The following CSMD1 variants were observed in gnomAD, a reference collection of about 807,000 sequenced individuals.
CSMD1 encodes CUB and Sushi multiple domains 1.
In CSMD1, 213 loss-of-function variants were observed where a neutral mutation model predicts 417.5. The ratio of observed to expected loss-of-function variants is 0.51; its 90% CI spans 0.46 to 0.57. The LOEUF is 0.57. Ranked by LOEUF, CSMD1 falls within the 20% of genes least tolerant of loss-of-function variation. CSMD1 has a pLI of 0.00. For synonymous variants in CSMD1, 2,862 were observed against 1,736.8 expected (o/e 1.65, Z -16.11); for missense variants, 6,923 against 4,529.7 (o/e 1.53, Z -15.17).
intron 2 of CSMD1, among the ~76,000 whole-genome samples, chr8:4,443,370 C>G (rs1008891702): frequency 6.6e-6 from 1 of 152,162 alleles, no homozygotes; most frequent in African/African-American, 2.4e-5. Flanking sequence ...GAAACAACGG[C>G]TTTGATAACA....
At chr8:4,808,107 T>C (rs17071450) in intron 1 of CSMD1, among the ~76,000 whole-genome samples, 2 of 152,134 alleles carry the variant, frequency 1.3e-5, no homozygotes, top group African/African-American at 2.4e-5. Flanking sequence ...CTTGCAATTA[T>C]GTTTCCTGGG....
At chr8:3,222,637 G>C (rs754570254) in intron 28 of CSMD1, among the ~76,000 whole-genome samples, 1 of 152,050 alleles carries the variant, frequency 6.6e-6, no homozygotes, top group South Asian at 2.1e-4. Flanking sequence ...ATAATATCTT[G>C]AAACCAGAGG....
chr8:4,260,436 C>A (rs556611946), intron 3 of CSMD1, among the ~76,000 whole-genome samples: 1 of 152,080 alleles, frequency 6.6e-6, no homozygotes, highest in Non-Finnish European at 1.5e-5. Flanking sequence ...CTAGTATGTA[C>A]TTTACTGAGT....
At chr8:4,960,824 A>C (rs1809427221) in intron 1 of CSMD1, among the ~76,000 whole-genome samples, 1 of 152,194 alleles carries the variant, frequency 6.6e-6, no homozygotes, top group Non-Finnish European at 1.5e-5. Context: ...CTATTTTATC[A>C]AATGAATTCA....
chr8:4,195,167 G>A (rs966154109), intron 3 of CSMD1, among the ~76,000 whole-genome samples: 1 of 152,196 alleles, frequency 6.6e-6, no homozygotes, highest in East Asian at 1.9e-4. Flanking sequence ...CAGAACATGT[G>A]TGTACACTGA....
intron 3 of CSMD1, among the ~76,000 whole-genome samples, chr8:4,334,521 C>T (rs146394283): frequency 1.4e-4 from 21 of 152,104 alleles, no homozygotes; most frequent in African/African-American, 5.1e-4. Context: ...AATGCATGAG[C>T]TAATTCCTTA....
In CSMD1 at chr8:2,998,327, T is replaced by C. The variant is rs966854232; in HGVS notation, c.8204-143A>G. 54 of 725,452 alleles carry C rather than the reference T, an allele frequency of 7.4e-5. No individual in the cohort carries two copies. In the South Asian group the frequency reaches 1.0e-3, roughly 14 times the overall value. The allele number at this position is 725,452 out of a possible 1,614,324, so 44.9% of individuals were successfully genotyped here. On this transcript the variant is annotated intron_variant, in intron 53 of 69. Transcript: ENST00000635120. ...AACCAGGCAGCTTACAGATGGTATT[T>C]ATATTCAGAAGGGAATATTGGGAGC...
At chr8:3,838,629 A>G (rs1275594700) in intron 5 of CSMD1, among the ~76,000 whole-genome samples, 2 of 132,476 alleles carry the variant, frequency 1.5e-5, no homozygotes, top group Non-Finnish European at 3.1e-5. Flanking sequence ...ATAAATTAAT[A>G]TATAATAAAT....
At chr8:3,722,185 T>A (rs1478340021) in intron 6 of CSMD1, among the ~76,000 whole-genome samples, 1 of 152,130 alleles carries the variant, frequency 6.6e-6, no homozygotes, top group East Asian at 1.9e-4. Flanking sequence ...GGCTGGCACC[T>A]GCAGGCCCAC....
intron 2 of CSMD1, among the ~76,000 whole-genome samples, chr8:4,558,568 A>G (rs1798192302): frequency 1.3e-5 from 2 of 152,118 alleles, no homozygotes. Context: ...CTAGTCCCTA[A>G]TAAACAATAG....
At chr8:3,126,880 A>T (rs1038141055) in intron 41 of CSMD1, among the ~76,000 whole-genome samples, 18 of 152,150 alleles carry the variant, frequency 1.2e-4, no homozygotes, top group African/African-American at 4.3e-4. Context: ...CTGCATTGCA[A>T]GAGAGGCTTG....
chr8:3,215,841 G>A (rs757072221), intron 29 of CSMD1, among the ~76,000 whole-genome samples: 7 of 151,902 alleles, frequency 4.6e-5, no homozygotes, highest in Admixed American at 3.9e-4. Flanking sequence ...TCTGGAGGAA[G>A]AAAAAGAGAC....
chr8:3,471,190 T>C (rs1817075352), intron 11 of CSMD1, among the ~76,000 whole-genome samples: 2 of 152,208 alleles, frequency 1.3e-5, no homozygotes, highest in Non-Finnish European at 2.9e-5. Flanking sequence ...TCGGCATTTT[T>C]CCACACTTTA....
intron 1 of CSMD1, among the ~76,000 whole-genome samples, chr8:4,660,223 A>T (rs942467604): frequency 6.6e-6 from 1 of 152,080 alleles, no homozygotes; most frequent in Non-Finnish European, 1.5e-5. Flanking sequence ...AACCCCAAGG[A>T]ATCTACCAAG....
chr8:3,013,999 C>G (rs991564946), intron 52 of CSMD1, among the ~76,000 whole-genome samples: 1 of 152,092 alleles, frequency 6.6e-6, no homozygotes, highest in Non-Finnish European at 1.5e-5. Context: ...TTCTCTGCCT[C>G]TACACTATGA....
intron 3 of CSMD1, among the ~76,000 whole-genome samples, chr8:4,085,139 C>A (rs1242443707): frequency 3.3e-5 from 5 of 152,114 alleles, no homozygotes; most frequent in Non-Finnish European, 7.3e-5. Flanking sequence ...GAGATGTCAC[C>A]GGCCTTGAAG....
intron 1 of CSMD1, among the ~76,000 whole-genome samples, chr8:4,886,952 G>A (rs982266202): frequency 6.6e-6 from 1 of 151,786 alleles, no homozygotes; most frequent in African/African-American, 2.4e-5. Flanking sequence ...CTCATTTTCT[G>A]TGTTTTCTAT....
rs539405077 is a variant in CSMD1, at chr8:4,207,982, T to C, written c.416-175883A>G. 5.3e-5 allele frequency among the ~76,000 whole-genome samples: 8 copies of C among 152,222 alleles called. No homozygotes were observed. In the East Asian group the frequency reaches 1.4e-3, roughly 26 times the overall value. ...AGGCAATATTCATTATAGCATGAAA[T>C]AGTTAAGCAGAGAAAAGTTTAAAAC... On this transcript the variant is annotated intron_variant, in intron 3 of 69. Transcript: ENST00000635120.
chr8:3,468,874 C>T lies in CSMD1; in HGVS notation c.1449-50G>A, dbSNP rs577146427. 7.9e-5 allele frequency: 95 copies of T among 1,206,802 alleles called. No individual in the cohort carries two copies. The Middle Eastern group carries it at 8.1e-4, about 10-fold the overall frequency. The allele number at this position is 1,206,802 out of a possible 1,614,324, so 74.8% of individuals were successfully genotyped here. A position where few individuals can be genotyped will look rare whatever the true frequency, so the allele number is the denominator to read the frequency against. On this transcript the variant is annotated intron_variant, in intron 11 of 69. Transcript: ENST00000635120. Reference sequence around the variant, plus strand: ...CTTTTAGGTAAGGCAACAAGTACATCGACTTCCACCTGAAAGGAGGGTCTT... The same window carrying T: ...CTTTTAGGTAAGGCAACAAGTACATTGACTTCCACCTGAAAGGAGGGTCTT...
Sources: gnomAD v4.1 joint callset for allele counts (sites outside exome capture counted in the v4.1 genomes callset) on GRCh38, gnomAD v4.1.1 for gene constraint, MANE v1.5 for transcripts, NCBI Gene and HGNC (gene_info 2026-07-23, HGNC 2026-07-21) for gene names.